Variants in ZEB2 observed in about 807,000 individuals in gnomAD.
ZEB2 encodes zinc finger E-box-binding homeobox 2.
ZEB2 carries 6 observed loss-of-function variants against 99.9 expected under a neutral mutation model. The ratio of observed to expected loss-of-function variants is 0.06; its 90% CI spans 0.03 to 0.12. The LOEUF is 0.12. ZEB2 is among the 10% of genes least tolerant of loss of function. ZEB2 has a pLI of 1.00. For synonymous variants in ZEB2, 517 were observed against 542.5 expected (o/e 0.95, Z 0.65); for missense variants, 969 against 1,502.8 (o/e 0.64, Z 5.87).
intron 2 of ZEB2, among the ~76,000 whole-genome samples, chr2:144,452,761 C>T (rs750990211): frequency 1.3e-5 from 2 of 152,002 alleles, no homozygotes; most frequent in East Asian, 1.9e-4. Context: ...AATCTGACAC[C>T]GCCAGGCAGC....
At chr2:144,404,731 A>C in intron 5 of ZEB2, 105 bp downstream of exon 5, 1 of 1,386,578 alleles carries the variant, frequency 7.2e-7, no homozygotes, top group Non-Finnish European at 9.9e-7. Context: ...ATGCCTCTGC[A>C]GCTGTTCTTC....
chr2:144,429,347 C>G (rs1203334372), intron 3 of ZEB2: 1 of 206,616 alleles, frequency 4.8e-6, no homozygotes, highest in African/African-American at 2.4e-5. Context: ...ATTAAACTGA[C>G]AGTTATTTGG....
chr2:144,401,863 A>G (rs550692514), intron 6 of ZEB2, among the ~76,000 whole-genome samples: 1 of 152,264 alleles, frequency 6.6e-6, no homozygotes, highest in Non-Finnish European at 1.5e-5. Context: ...AACCTTGACT[A>G]TAAATATTTC....
Position 144,398,540 on chromosome 2 carries a change from C to T in ZEB2, c.2647G>A (p.Val883Met), listed in dbSNP as rs550047043. The change falls in exon 8 of 10, where the codon GTG becomes ATG. Residue 883 changes from valine (V) to methionine (M), a missense_variant. Around this residue, in one of 8 missense-constraint regions of ZEB2, gnomAD observed 346 missense variants for 460.0 expected, o/e 0.75. Coordinates refer to ENST00000627532, the MANE Select transcript of ZEB2 (RefSeq NM_014795.4). ...GCACTAAATGGGTTCATGCTGAACA[C>T]TGGGTTAGTGCTTTTGTTGTCCAGA... ...NNLDNKSTNP[V>M]FSMNPFSAKP... 6.8e-6 allele frequency: 11 copies of T among 1,614,124 alleles called. No homozygotes were observed. In the Admixed American group the frequency reaches 1.5e-4, roughly 22 times the overall value.
Position 144,429,915 on chromosome 2 carries a change from G to A in ZEB2, c.185C>T (p.Pro62Leu), listed in dbSNP as rs1418417685. The A allele has an allele frequency of 6.2e-7, 1 of 1,613,814 alleles. No individual in the cohort carries two copies. Among genetic ancestry groups the A allele is most frequent in the Admixed American group, 1.7e-5 (1 of 59,942 alleles). Residue 62 changes from proline to leucine, a missense_variant, in exon 3 of 10, where the codon CCA becomes CTA. Around this residue, in one of 8 missense-constraint regions of ZEB2, gnomAD observed 173 missense variants for 217.7 expected, o/e 0.79. Transcript: ENST00000627532. ...GGACTCATGGTTGGGCACACTAGCT[G>A]GACTCGTCTCCTGGTCCAGAGGGTT... ...IANPLDQETS[P>L]ASVPNHESSP...
At chr2:144,476,605 C>T (rs1012504297) in intron 2 of ZEB2, among the ~76,000 whole-genome samples, 1 of 152,156 alleles carries the variant, frequency 6.6e-6, no homozygotes, top group Non-Finnish European at 1.5e-5. Context: ...CCACCTACAG[C>T]CATGAGATTG....
chr2:144,454,906 C>CCA (rs909148981), intron 2 of ZEB2: 2 of 152,130 alleles, frequency 1.3e-5, no homozygotes, highest in Non-Finnish European at 2.9e-5. Context: ...ACACACATCA[C>CCA]CACACACACC....
intron 2 of ZEB2, among the ~76,000 whole-genome samples, chr2:144,460,323 A>T (rs1228240436): frequency 1.3e-5 from 2 of 152,044 alleles, no homozygotes; most frequent in Admixed American, 1.3e-4. Context: ...CTAGAAAGAG[A>T]CTGATATGGG....
At chr2:144,422,970 C>T (rs1041057630) in intron 4 of ZEB2, among the ~76,000 whole-genome samples, 38 of 152,238 alleles carry the variant, frequency 2.5e-4, no homozygotes, top group African/African-American at 8.4e-4. Context: ...GTCTTCCTGA[C>T]CCATCTTCTA....
rs576418928 is a variant in ZEB2 at position 144,390,768 on chromosome 2, TC to T, written c.3068-741del. Among the ~76,000 whole-genome samples the T allele has an allele frequency of 4.6e-5, 7 of 152,306 alleles. No homozygotes were observed. The South Asian group carries it at 1.5e-3, about 32-fold the overall frequency. ...CTCTTCAGCTAGGGAATGCTGTATT[TC>T]CTTTGGCATTCCAGGCAGTTTCTAA... is the stretch of plus-strand genomic sequence containing the variant. On this transcript the variant is annotated intron_variant, in intron 9 of 9. Transcript: ENST00000627532.
rs979187869 is a variant in ZEB2 at position 144,513,295 on chromosome 2, C to T, written c.73+3983G>A. 7 of 1,292,322 alleles carry T rather than the reference C, an allele frequency of 5.4e-6. No individual in the cohort carries two copies. In the African/African-American group the frequency reaches 7.6e-5, roughly 14 times the overall value. 80.1% of individuals were successfully genotyped at this position (1,292,322 alleles called of 1,614,324 possible). ...ACCATTTCTGCTCTTCTGATTGTTTCTCCTCTAGGATCCAAAGCCCTGAGA... is the reference window on the plus strand; with the variant it reads ...ACCATTTCTGCTCTTCTGATTGTTTTTCCTCTAGGATCCAAAGCCCTGAGA... On this transcript the variant is annotated intron_variant, in intron 2 of 9. Coordinates refer to ENST00000627532, the MANE Select transcript of ZEB2 (RefSeq NM_014795.4).
chr2:144,513,819 T>A (rs768732670), intron 2 of ZEB2: 1 of 1,535,906 alleles, frequency 6.5e-7, no homozygotes. Context: ...TAGTGGGGTA[T>A]AATCAGGGGA....
chr2:144,471,722 G>C (rs539232606), intron 2 of ZEB2, among the ~76,000 whole-genome samples: 3 of 151,952 alleles, frequency 2.0e-5, no homozygotes, highest in Non-Finnish European at 1.5e-5. Context: ...TTTCAAAAGA[G>C]ACATCTAAAA....
At chr2:144,474,040 C>T (rs796371417) in intron 2 of ZEB2, among the ~76,000 whole-genome samples, 4 of 152,212 alleles carry the variant, frequency 2.6e-5, no homozygotes, top group Non-Finnish European at 4.4e-5. Flanking sequence ...CCTGGGTCAT[C>T]GTTTGCAAAT....
chr2:144,393,766 G>A (rs973951072), intron 9 of ZEB2, among the ~76,000 whole-genome samples: 2 of 152,200 alleles, frequency 1.3e-5, no homozygotes, highest in African/African-American at 4.8e-5. Context: ...TTGACAAGTT[G>A]GAAAGCCAAC....
Position 144,473,723 on chromosome 2 carries a change from A to G in ZEB2, c.73+43555T>C, listed in dbSNP as rs569239163. Among the ~76,000 whole-genome samples, 8 of 152,256 alleles carry G rather than the reference A, an allele frequency of 5.3e-5. No individual in the cohort carries two copies. The South Asian group carries it at 1.2e-3, about 24-fold the overall frequency. The stretch of plus-strand genomic sequence containing the variant: ...AGGGTTGTTACAGAGGTGCAGGGAA[A>G]TTGAACATGTAGCGTGGAGGAGAGT... On this transcript the variant is annotated intron_variant, in intron 2 of 9. Transcript: ENST00000627532.
At chr2:144,513,127 A>G in intron 2 of ZEB2, 1 of 1,286,048 alleles carries the variant, frequency 7.8e-7, no homozygotes, top group South Asian at 1.2e-5. Context: ...GAAGGGGTTG[A>G]CTGCATTTTC....
chr2:144,425,228 A>G (rs1703676046), intron 3 of ZEB2, among the ~76,000 whole-genome samples: 1 of 152,222 alleles, frequency 6.6e-6, no homozygotes, highest in Non-Finnish European at 1.5e-5. Context: ...GCTGGCTGCT[A>G]TGCCTCTGGA....
chr2:144,503,298 G>T (rs1315609413), intron 2 of ZEB2, among the ~76,000 whole-genome samples: 2 of 152,176 alleles, frequency 1.3e-5, no homozygotes, highest in Non-Finnish European at 2.9e-5. Flanking sequence ...TTAATATCTA[G>T]GAATAAACAG....
Sources: gnomAD v4.1 joint callset for allele counts (sites outside exome capture counted in the v4.1 genomes callset) on GRCh38, gnomAD v4.1.1 for gene constraint, gnomAD v4.1.1 regional missense constraint, MANE v1.5 for transcripts, NCBI Gene and HGNC (gene_info 2026-07-23, HGNC 2026-07-21) for gene names.